Variants in COL4A2 observed in about 807,000 individuals in gnomAD.
COL4A2 encodes the protein collagen alpha-2(IV) chain.
A neutral mutation model predicts 200.2 loss-of-function variants in COL4A2; 99 were observed. That is an observed-to-expected ratio of 0.49 (90% CI 0.42 to 0.58). The LOEUF is 0.58. COL4A2 is among the 20% of genes least tolerant of loss of function. The pLI is 0.00. For synonymous variants in COL4A2, 897 were observed against 900.6 expected (o/e 1.00, Z 0.07); for missense variants, 1,950 against 2,314.1 (o/e 0.84, Z 3.23).
chr13:110,491,236 T>A lies in COL4A2; in HGVS notation c.3350T>A (p.Leu1117Gln). 2 of 1,592,822 alleles carry A rather than the reference T, an allele frequency of 1.3e-6. No individual in the cohort carries two copies. The highest frequency in any genetic ancestry group is 1.7e-6 in the Non-Finnish European group (2 of 1,168,152). Residue 1117 changes from leucine to glutamine, a missense_variant, in exon 37 of 48, where the codon CTG becomes CAG. Transcript: ENST00000360467. The part of the protein sequence containing the change: ...GERGTTGIPG[L>Q]KGFFGEKGTE... Reference sequence around the variant, plus strand: ...AGCAGCATGTCTGTGGTTGCAGGTCTGAAGGGATTCTTTGGAGAGAAGGGA... The same window carrying A: ...AGCAGCATGTCTGTGGTTGCAGGTCAGAAGGGATTCTTTGGAGAGAAGGGA...
At chr13:110,504,828 G>A (rs1015634135) in intron 45 of COL4A2, among the ~76,000 whole-genome samples, 2 of 151,944 alleles carry the variant, frequency 1.3e-5, no homozygotes, top group Non-Finnish European at 2.9e-5. Context: ...GGCTGGTCTC[G>A]AACTCCTGAC....
chr13:110,342,761 A>C (rs138139399), intron 3 of COL4A2, among the ~76,000 whole-genome samples: 91 of 152,318 alleles, frequency 6.0e-4, no homozygotes, highest in African/African-American at 2.1e-3. Flanking sequence ...TCCCAAACAC[A>C]GTGCCATTCA....
rs1240296100 is a variant in COL4A2, at chr13:110,458,768, C to T, written c.1433-3C>T. 6.2e-7 allele frequency: 1 copy of T among 1,614,006 alleles called. No individual in the cohort carries two copies. Among genetic ancestry groups the T allele is most frequent in the Non-Finnish European group, 8.5e-7 (1 of 1,179,954 alleles). On this transcript the variant is annotated splice_polypyrimidine_tract_variant and splice_region_variant and intron_variant, in intron 21 of 47. Transcript: ENST00000360467. ...AGGAGGCCCTCCTCTCCCTCCTCTGCAGGTGACGCTGGGGAATGCAGATGT... is the reference window on the plus strand; with the variant it reads ...AGGAGGCCCTCCTCTCCCTCCTCTGTAGGTGACGCTGGGGAATGCAGATGT...
At chr13:110,311,001 G>A (rs1437661424) in intron 3 of COL4A2, among the ~76,000 whole-genome samples, 1 of 152,210 alleles carries the variant, frequency 6.6e-6, no homozygotes, top group African/African-American at 2.4e-5. Context: ...CCCAGGGCCT[G>A]AAAGGTGGCC....
intron 4 of COL4A2, among the ~76,000 whole-genome samples, chr13:110,399,061 C>G (rs1249101963): frequency 2.0e-5 from 3 of 152,158 alleles, no homozygotes; most frequent in Admixed American, 6.5e-5. Context: ...CCAGGCCACT[C>G]TGTGCCCAGT....
chr13:110,408,013 G>A lies in COL4A2; in HGVS notation c.181-16721G>A, dbSNP rs557835361. 1.1e-4 allele frequency among the ~76,000 whole-genome samples: 16 copies of A among 152,366 alleles called. No homozygotes were observed. The South Asian group carries it at 3.3e-3, about 32-fold the overall frequency. On this transcript the variant is annotated intron_variant, in intron 4 of 47. Transcript: ENST00000360467. ...CTAGACAGAGGCGTCCAGGAGGGAG[G>A]TAGGAGCCATCCACCTCTGAGCGTT... is the stretch of plus-strand genomic sequence containing the variant.
intron 3 of COL4A2, among the ~76,000 whole-genome samples, chr13:110,339,161 G>A (rs948161413): frequency 4.6e-5 from 7 of 152,312 alleles, no homozygotes; most frequent in Middle Eastern, 3.4e-3. Flanking sequence ...GTGTGATTGA[G>A]CTCAGAGAAA....
intron 39 of COL4A2, 103 bp from the exon 40 acceptor site, chr13:110,495,239 T>G: frequency 7.3e-7 from 1 of 1,364,858 alleles, no homozygotes; most frequent in Non-Finnish European, 1.0e-6. Context: ...TGGCTGCCTC[T>G]GTTTCTTTGC....
chr13:110,446,207 GC>G (rs1403451493), intron 17 of COL4A2, among the ~76,000 whole-genome samples: 1 of 151,830 alleles, frequency 6.6e-6, no homozygotes, highest in Non-Finnish European at 1.5e-5. Context: ...GGAGGATGTG[GC>G]TTGTGTGAGT....
intron 3 of COL4A2, among the ~76,000 whole-genome samples, chr13:110,316,580 A>G (rs1045975395): frequency 1.3e-5 from 2 of 152,198 alleles, no homozygotes; most frequent in Admixed American, 1.3e-4. Flanking sequence ...CTAAGAGAGC[A>G]TCCTGAAGAT....
At chr13:110,371,752 G>A (rs1212711089) in intron 4 of COL4A2, among the ~76,000 whole-genome samples, 1 of 148,644 alleles carries the variant, frequency 6.7e-6, no homozygotes, top group Admixed American at 6.7e-5. Flanking sequence ...GGCGGGCGGC[G>A]GGCCGTCTGG....
chr13:110,370,230 T>G (rs746883551), intron 4 of COL4A2, among the ~76,000 whole-genome samples: 23 of 151,100 alleles, frequency 1.5e-4, no homozygotes, highest in Non-Finnish European at 2.5e-4. Flanking sequence ...AAACAAGGGT[T>G]TTTTTTACTT....
At position 110,495,436 on chromosome 13, in the gene COL4A2, C is replaced by G. The variant is rs753652216; in HGVS notation, c.3729C>G (p.Val1243=). 1.2e-6 allele frequency: 2 copies of G among 1,613,708 alleles called. No homozygotes were observed. The highest frequency in any genetic ancestry group is 1.1e-5 in the South Asian group (1 of 91,030). ...ACACCCTTCCAGGCCCTGTGGGAGT[C>G]CCAGGACAGAAAGGAGACCAAGGAG... ...EANTLPGPVG[V]PGQKGDQGAP... Residue 1243 remains valine, a synonymous_variant, in exon 40 of 48, where the codon GTC becomes GTG. Transcript: ENST00000360467.
At chr13:110,503,353 C>A (rs764518807) in intron 42 of COL4A2, 30 bp from the exon 43 acceptor site, 30 of 1,588,082 alleles carry the variant, frequency 1.9e-5, no homozygotes, top group Non-Finnish European at 2.6e-5. Flanking sequence ...CACAGACTTT[C>A]GTGTCCCTAA....
intron 4 of COL4A2, among the ~76,000 whole-genome samples, chr13:110,420,005 C>T (rs983227865): frequency 4.6e-5 from 7 of 152,172 alleles, no homozygotes; most frequent in African/African-American, 7.2e-5. Flanking sequence ...ATGGTGGTCT[C>T]GTGCATTGGT....
chr13:110,345,889 G>T (rs1461693309), intron 3 of COL4A2, among the ~76,000 whole-genome samples: 1 of 152,164 alleles, frequency 6.6e-6, no homozygotes, highest in Non-Finnish European at 1.5e-5. Flanking sequence ...GTGCACAGGG[G>T]GACCACCTTC....
rs567760803 is a variant in COL4A2 at position 110,327,208 on chromosome 13, A to G, written c.99+19085A>G. ...CTTACATCTGCTCCCTCCCTGGTTT[A>G]TGATTCCCAGGGGGCCCCCACCCAT... On this transcript the variant is annotated intron_variant, in intron 3 of 47. Transcript: ENST00000360467. Among the ~76,000 whole-genome samples the G allele has an allele frequency of 9.2e-5, 14 of 152,204 alleles. No homozygotes were observed. The East Asian group carries it at 2.7e-3, about 30-fold the overall frequency.
chr13:110,367,204 A>G (rs999651201), intron 4 of COL4A2, among the ~76,000 whole-genome samples: 1 of 152,262 alleles, frequency 6.6e-6, no homozygotes, highest in Non-Finnish European at 1.5e-5. Context: ...TTTTGTATCT[A>G]AAACACTGTT....
At position 110,346,855 on chromosome 13, in the gene COL4A2, C is replaced by T. The variant is rs532335241; in HGVS notation, c.100-10617C>T. Among the ~76,000 whole-genome samples the T allele has an allele frequency of 6.6e-5, 10 of 152,306 alleles. No individual in the cohort carries two copies. In the South Asian group the frequency reaches 1.0e-3, roughly 16 times the overall value. ...CAACAAATGAGGGCTCAGCTCCTCC[C>T]GGGGTGAAGGCCAGGGTGCTCTGTT... On this transcript the variant is annotated intron_variant, in intron 3 of 47. Coordinates refer to ENST00000360467, the MANE Select transcript of COL4A2 (RefSeq NM_001846.4).
Sources: allele counts gnomAD v4.1 joint callset (sites outside exome capture counted in the v4.1 genomes callset), GRCh38; gene constraint gnomAD v4.1.1; transcripts MANE v1.5; gene names NCBI Gene and HGNC (gene_info 2026-07-23, HGNC 2026-07-21).